The following RXFP1 variants were observed in gnomAD, a reference collection of about 807,000 sequenced individuals.
The protein encoded by RXFP1 is relaxin family peptide receptor 1.
In RXFP1, 73 loss-of-function variants were observed where a neutral mutation model predicts 89.8. That is an observed-to-expected ratio of 0.81 (90% CI 0.67 to 0.99). RXFP1 has a LOEUF of 0.99. Among genes scored for constraint, RXFP1 ranks in the 50% least tolerant of loss-of-function variants. The pLI is 0.00. For synonymous variants in RXFP1, 277 were observed against 305.5 expected (o/e 0.91, Z 0.97); for missense variants, 793 against 895.5 (o/e 0.89, Z 1.46).
chr4:158,576,292 GACTCACACC>G (rs1244071349), intron 2 of RXFP1, among the ~76,000 whole-genome samples: 4 of 152,064 alleles, frequency 2.6e-5, no homozygotes, highest in African/African-American at 9.7e-5. Flanking sequence ...CAGGCCCAGT[GACTCACACC>G]TGTAATCCCA....
intron 13 of RXFP1, 26 bp from the exon 14 acceptor site, chr4:158,639,234 A>C (rs1324705567): frequency 2.4e-6 from 3 of 1,276,342 alleles, no homozygotes; most frequent in Non-Finnish European, 3.4e-6. Context: ...TGTTCCTTTG[A>C]TTGATTATTA....
At chr4:158,555,607 A>T (rs1000517439) in intron 1 of RXFP1, among the ~76,000 whole-genome samples, 1 of 152,200 alleles carries the variant, frequency 6.6e-6, no homozygotes, top group Non-Finnish European at 1.5e-5. Context: ...CATACAATGC[A>T]CACAATTTTA....
chr4:158,620,276 A>G (rs996769012), intron 9 of RXFP1, among the ~76,000 whole-genome samples: 3 of 152,202 alleles, frequency 2.0e-5, no homozygotes, highest in Non-Finnish European at 4.4e-5. Flanking sequence ...AACGAAAGAA[A>G]AAGAGACAAA....
intron 1 of RXFP1, among the ~76,000 whole-genome samples, chr4:158,570,577 C>T (rs1754834017): frequency 6.6e-6 from 1 of 152,094 alleles, no homozygotes; most frequent in Non-Finnish European, 1.5e-5. Flanking sequence ...TCTCTCCTCT[C>T]CACTGGCGCC....
intron 1 of RXFP1, among the ~76,000 whole-genome samples, chr4:158,535,445 C>T (rs1745067431): frequency 6.6e-6 from 1 of 152,186 alleles, no homozygotes; most frequent in African/African-American, 2.4e-5. Context: ...GGCCATTGCA[C>T]TTGAGTCACT....
chr4:158,564,057 T>G (rs1579642182), intron 1 of RXFP1, among the ~76,000 whole-genome samples: 1 of 151,874 alleles, frequency 6.6e-6, no homozygotes, highest in Admixed American at 6.6e-5. Context: ...AGGTCTGATC[T>G]TAGAAATTTT....
intron 14 of RXFP1, among the ~76,000 whole-genome samples, chr4:158,644,578 G>A (rs774095162): frequency 3.9e-5 from 6 of 152,260 alleles, no homozygotes; most frequent in East Asian, 3.9e-4. Flanking sequence ...CTGCATTTAC[G>A]TATACTAACC....
intron 16 of RXFP1, 126 bp from the exon 17 acceptor site, chr4:158,648,373 T>G: frequency 3.2e-6 from 2 of 623,404 alleles, no homozygotes; most frequent in Non-Finnish European, 5.1e-6. Flanking sequence ...AACCCACACA[T>G]TATAGTCTTT....
At chr4:158,608,180 G>A (rs746998131) in intron 6 of RXFP1, 137 bp downstream of exon 6, 124 of 555,368 alleles carry the variant, frequency 2.2e-4, no homozygotes, top group Non-Finnish European at 3.5e-4. Context: ...GTAGAGCACC[G>A]TGGCTAAGAG....
chr4:158,616,788 C>T (rs1449573210), intron 8 of RXFP1, among the ~76,000 whole-genome samples: 1 of 151,296 alleles, frequency 6.6e-6, no homozygotes, highest in Non-Finnish European at 1.5e-5. Flanking sequence ...CATTTGAGGT[C>T]AAGAGTTTGA....
intron 1 of RXFP1, among the ~76,000 whole-genome samples, chr4:158,568,464 A>G (rs1159537389): frequency 1.3e-5 from 2 of 152,254 alleles, no homozygotes; most frequent in Admixed American, 6.5e-5. Context: ...AGGCTAATTC[A>G]TTAAAGAATT....
At chr4:158,545,877 G>A (rs1748213297) in intron 1 of RXFP1, among the ~76,000 whole-genome samples, 1 of 152,120 alleles carries the variant, frequency 6.6e-6, no homozygotes, top group African/African-American at 2.4e-5. Context: ...TTGAAGTCAG[G>A]TAGCGTGATG....
chr4:158,628,537 C>A, intron 10 of RXFP1, 101 bp from the exon 11 acceptor site: 1 of 490,562 alleles, frequency 2.0e-6, no homozygotes, highest in Non-Finnish European at 3.7e-6. Flanking sequence ...GAAAAATGTA[C>A]TGTATATTCA....
intron 3 of RXFP1, among the ~76,000 whole-genome samples, chr4:158,597,136 G>A (rs1760783867): frequency 6.6e-6 from 1 of 152,114 alleles, no homozygotes; most frequent in Non-Finnish European, 1.5e-5. Flanking sequence ...AAAACTTGGG[G>A]TTAAAATTTA....
intron 1 of RXFP1, among the ~76,000 whole-genome samples, chr4:158,537,057 C>G (rs1318827579): frequency 6.8e-6 from 1 of 147,694 alleles, no homozygotes; most frequent in Non-Finnish European, 1.5e-5. Flanking sequence ...AACGCAATTA[C>G]TTTTGCACCA....
chr4:158,572,933 T>G, intron 2 of RXFP1, 98 bp downstream of exon 2: 1 of 1,503,476 alleles, frequency 6.7e-7, no homozygotes, highest in Non-Finnish European at 9.0e-7. Context: ...AAAACTAAAT[T>G]GAAATACAAA....
chr4:158,571,076 C>G (rs950905195), intron 1 of RXFP1, among the ~76,000 whole-genome samples: 1 of 152,180 alleles, frequency 6.6e-6, no homozygotes, highest in Non-Finnish European at 1.5e-5. Flanking sequence ...GTACAAAGCA[C>G]CAGCACACAG....
intron 17 of RXFP1, among the ~76,000 whole-genome samples, 153 bp from the exon 18 acceptor site, chr4:158,651,604 G>A (rs1246307837): frequency 6.6e-6 from 1 of 152,058 alleles, no homozygotes; most frequent in African/African-American, 2.4e-5. Flanking sequence ...AGATATCTTG[G>A]AAACAAATAT....
intron 1 of RXFP1, among the ~76,000 whole-genome samples, chr4:158,563,076 A>G (rs557434201): frequency 1.3e-5 from 2 of 152,220 alleles, no homozygotes; most frequent in South Asian, 2.1e-4. Context: ...TCCATCCTTT[A>G]AGGATATGAG....
Sources: allele counts gnomAD v4.1 joint callset (sites outside exome capture counted in the v4.1 genomes callset), GRCh38; gene constraint gnomAD v4.1.1; transcripts MANE v1.5; gene names NCBI Gene and HGNC (gene_info 2026-07-23, HGNC 2026-07-21).